The following CDIN1 variants were observed in gnomAD, a reference collection of about 807,000 sequenced individuals.
CDIN1 encodes the protein CDAN1 interacting nuclease 1.
CDIN1 carries 33 observed loss-of-function variants against 45.3 expected under a neutral mutation model. The ratio of observed to expected loss-of-function variants is 0.73; its 90% CI spans 0.55 to 0.97. CDIN1 has a LOEUF of 0.97. Among genes scored for constraint, CDIN1 ranks in the 50% least tolerant of loss-of-function variants. CDIN1 has a pLI of 0.00. For synonymous variants in CDIN1, 118 were observed against 124.4 expected, an observed-to-expected ratio of 0.95 and a Z score of 0.34; for missense variants, 303 against 339.4, an observed-to-expected ratio of 0.89 and a Z score of 0.84.
At position 36,579,912 on chromosome 15, in the gene CDIN1, G is replaced by A; in HGVS notation, c.52G>A (p.Val18Met). ...CGAGATAGCCCAGTGCCTAGTGTCT[G>A]TGCCGCCTACCAGGCAGAGCCTGAG... ...YDEIAQCLVS[V>M]PPTRQSLRKL... Residue 18 changes from valine to methionine, a missense_variant, in exon 1 of 11, where the codon GTG (valine) becomes ATG (methionine). By Grantham distance (21) the Val-to-Met change is conservative. Transcript: ENST00000566621. 1 of 1,613,970 alleles carries A rather than the reference G, an allele frequency of 6.2e-7. No individual in the cohort carries two copies. Among genetic ancestry groups the A allele is most frequent in the East Asian group, 2.2e-5 (1 of 44,874 alleles).
intron 3 of CDIN1, 63 bp from the exon 4 acceptor site, chr15:36,654,035 G>A: frequency 8.1e-7 from 1 of 1,238,940 alleles, no homozygotes; most frequent in Admixed American, 2.0e-5. Flanking sequence ...CACAGGGGAT[G>A]CTGACAAGTC....
At position 36,807,002 on chromosome 15, in the gene CDIN1, T is replaced by A. The variant is rs142792877; in HGVS notation, c.717-1322T>A. 1.4e-4 allele frequency among the ~76,000 whole-genome samples: 21 copies of A among 152,324 alleles called. 1 individual carries two copies. Among genetic ancestry groups the A allele is most frequent in the African/African-American group, 4.3e-4 (18 of 41,568 alleles). ...CCTGGTGCTCCAAGGCTTCTAATTA[T>A]ACCCAGTTCCTACATCTTCTAGAAC... is the stretch of plus-strand genomic sequence containing the variant. On this transcript the variant is annotated intron_variant, in intron 10 of 10. Transcript: ENST00000566621.
At chr15:36,613,529 C>G in intron 1 of CDIN1, 1 of 1,533,374 alleles carries the variant, frequency 6.5e-7, no homozygotes, top group Non-Finnish European at 8.9e-7. Flanking sequence ...TGTGCAGCAG[C>G]AGGCAGATGA....
chr15:36,664,739 G>A (rs1464912635), intron 5 of CDIN1, among the ~76,000 whole-genome samples: 2 of 152,096 alleles, frequency 1.3e-5, no homozygotes, highest in African/African-American at 2.4e-5. Flanking sequence ...ATAGAGACGG[G>A]GTTTCACCAT....
chr15:36,677,578 G>T (rs1437838009), intron 5 of CDIN1, among the ~76,000 whole-genome samples: 1 of 152,082 alleles, frequency 6.6e-6, no homozygotes, highest in Non-Finnish European at 1.5e-5. Context: ...TTTTAATGTG[G>T]CATGATTTAA....
chr15:36,709,119 C>G, intron 8 of CDIN1, 104 bp from the exon 9 acceptor site: 10 of 916,556 alleles, frequency 1.1e-5, no homozygotes, highest in Non-Finnish European at 1.4e-5. Flanking sequence ...ATATGTATGA[C>G]TACAGTAGTA....
At chr15:36,745,633 A>G (rs1157516818) in intron 10 of CDIN1, among the ~76,000 whole-genome samples, 1 of 152,188 alleles carries the variant, frequency 6.6e-6, no homozygotes, top group Non-Finnish European at 1.5e-5. Context: ...GTGTAAGCAT[A>G]GAATTGATTC....
intron 10 of CDIN1, among the ~76,000 whole-genome samples, chr15:36,774,312 C>T (rs1056695497): frequency 7.9e-5 from 12 of 152,088 alleles, no homozygotes; most frequent in African/African-American, 2.7e-4. Flanking sequence ...AAAATAAGCA[C>T]GACCTATTCC....
chr15:36,639,214 TG>T (rs2040011742), intron 1 of CDIN1, among the ~76,000 whole-genome samples: 1 of 151,894 alleles, frequency 6.6e-6, no homozygotes, highest in South Asian at 2.1e-4. Context: ...TCTGTATCCA[TG>T]GGTTCCACAT....
chr15:36,626,819 G>T, intron 1 of CDIN1: 1 of 267,726 alleles, frequency 3.7e-6, no homozygotes. Context: ...AGTGGGGGTT[G>T]GGGAGGGTAT....
intron 1 of CDIN1, among the ~76,000 whole-genome samples, chr15:36,620,353 AAAAAATAAAAATAAAAT>A (rs1343087377): frequency 1.3e-5 from 2 of 152,186 alleles, no homozygotes; most frequent in African/African-American, 4.8e-5. Context: ...TCTGTCTCAA[AAAAAATAAAAATAAAAT>A]AAAAATAAAA....
At chr15:36,638,041 A>T (rs1246268914) in intron 1 of CDIN1, among the ~76,000 whole-genome samples, 1 of 152,092 alleles carries the variant, frequency 6.6e-6, no homozygotes, top group Non-Finnish European at 1.5e-5. Context: ...ATATTTTTTT[A>T]AAAAAATATT....
At position 36,702,555 on chromosome 15, in the gene CDIN1, G is replaced by A. The variant is rs546604413; in HGVS notation, c.544+5165G>A. Among the ~76,000 whole-genome samples, 16 of 152,078 alleles carry A rather than the reference G, an allele frequency of 1.1e-4. No homozygotes were observed. In the South Asian group the frequency reaches 1.5e-3, roughly 14 times the overall value. On this transcript the variant is annotated intron_variant, in intron 8 of 10. Coordinates refer to ENST00000566621, the MANE Select transcript of CDIN1 (RefSeq NM_001321759.2). ...CTCTTGGTAGTTAGCTCATGTCCAC[G>A]GGTCATCTGCTTTTGGGTCACTAAT...
chr15:36,765,485 T>C (rs917244461), intron 10 of CDIN1, among the ~76,000 whole-genome samples: 1 of 152,206 alleles, frequency 6.6e-6, no homozygotes. Flanking sequence ...GGGATAAAAA[T>C]AGATCTATAT....
At chr15:36,582,011 C>G (rs1595699740) in intron 1 of CDIN1, among the ~76,000 whole-genome samples, 1 of 152,282 alleles carries the variant, frequency 6.6e-6, no homozygotes, top group East Asian at 1.9e-4. Context: ...CTAATCTCAT[C>G]AGAAGTCTGT....
Position 36,783,654 on chromosome 15 carries a change from A to T in CDIN1, c.717-24670A>T, listed in dbSNP as rs528502355. 2.6e-5 allele frequency among the ~76,000 whole-genome samples: 4 copies of T among 152,278 alleles called. No homozygotes were observed. The South Asian group carries it at 8.3e-4, about 32-fold the overall frequency. The stretch of plus-strand genomic sequence containing the variant: ...CTAGAGCCTCAGAGCTGTGATACAC[A>T]TGAACATACAGTAAACACGGGAAAC... On this transcript the variant is annotated intron_variant, in intron 10 of 10. Transcript: ENST00000566621.
At chr15:36,618,108 G>T (rs570053654) in intron 1 of CDIN1, 3 of 732,854 alleles carry the variant, frequency 4.1e-6, no homozygotes, top group Non-Finnish European at 7.5e-6. Flanking sequence ...CCACTGGCCC[G>T]CTTTCCCAAT....
intron 5 of CDIN1, among the ~76,000 whole-genome samples, chr15:36,685,853 C>G (rs558352313): frequency 6.6e-6 from 1 of 152,234 alleles, no homozygotes; most frequent in East Asian, 1.9e-4. Flanking sequence ...ATCAAAACCA[C>G]AATGAGATAC....
chr15:36,728,550 CTT>C (rs373887720), intron 10 of CDIN1, among the ~76,000 whole-genome samples: 1,559 of 138,788 alleles, frequency 0.011, 25 homozygotes, highest in African/African-American at 0.033. Context: ...GTTTTTCTTC[CTT>C]TTTTTTTTTT....
Sources: allele counts gnomAD v4.1 joint callset (sites outside exome capture counted in the v4.1 genomes callset), GRCh38; gene constraint gnomAD v4.1.1; transcripts MANE v1.5; gene names NCBI Gene and HGNC (gene_info 2026-07-23, HGNC 2026-07-21).